The following COL25A1 variants were observed in gnomAD, a reference collection of about 807,000 sequenced individuals.
COL25A1 encodes collagen alpha-1(XXV) chain.
Under a neutral mutation model 128.4 loss-of-function variants are expected in COL25A1, and 103 were observed. That is an observed-to-expected ratio of 0.80 (90% CI 0.68 to 0.94). The LOEUF (loss-of-function observed/expected upper bound fraction) is 0.94, where lower values mean the gene tolerates loss of function less well. Among genes scored for constraint, COL25A1 ranks in the 40% least tolerant of loss-of-function variants. The probability of loss-of-function intolerance (pLI) is 0.00; values close to 1 mark genes in which losing one functional copy is unlikely to be tolerated. For synonymous variants in COL25A1, 279 were observed against 277.2 expected (o/e 1.01, Z -0.06); for missense variants, 745 against 840.0 (o/e 0.89, Z 1.40).
At chr4:108,830,943 A>G (rs1174631855) in intron 32 of COL25A1, among the ~76,000 whole-genome samples, 3 of 152,260 alleles carry the variant, frequency 2.0e-5, no homozygotes, top group Admixed American at 2.0e-4. Flanking sequence ...TTCAGAAGTC[A>G]TTGGTTTGAT....
At chr4:109,274,458 A>T (rs1782407507) in intron 3 of COL25A1, among the ~76,000 whole-genome samples, 1 of 152,154 alleles carries the variant, frequency 6.6e-6, no homozygotes, top group African/African-American at 2.4e-5. Context: ...AACTATGGAA[A>T]GATTATTTAT....
In COL25A1 at chr4:108,895,015, A is replaced by C. The variant is rs949334791; in HGVS notation, c.906+1652T>G. 9.9e-5 allele frequency among the ~76,000 whole-genome samples: 15 copies of C among 152,258 alleles called. No homozygotes were observed. The East Asian group carries it at 2.3e-3, about 24-fold the overall frequency. ...GTAGAGGCCAAAAATGATGCTAAAC[A>C]TCTGAGGGCCCCGTAACAGAGAATT... On this transcript the variant is annotated intron_variant, in intron 16 of 37. Transcript: ENST00000399132.
chr4:108,915,017 A>G (rs527724122), intron 13 of COL25A1, among the ~76,000 whole-genome samples: 1 of 152,292 alleles, frequency 6.6e-6, no homozygotes, highest in African/African-American at 2.4e-5. Flanking sequence ...AGATGCAGAG[A>G]CCACGCCCTT....
intron 3 of COL25A1, among the ~76,000 whole-genome samples, chr4:109,137,641 A>C (rs556499251): frequency 1.3e-5 from 2 of 152,308 alleles, no homozygotes; most frequent in South Asian, 4.1e-4. Flanking sequence ...ATCCCATTAG[A>C]TTATAGAAAA....
intron 3 of COL25A1, among the ~76,000 whole-genome samples, chr4:109,142,693 G>C (rs185202192): frequency 8.6e-4 from 130 of 151,428 alleles, no homozygotes; most frequent in African/African-American, 3.0e-3. Flanking sequence ...ATCTTTGTTG[G>C]CTTAAAGTCT....
chr4:109,240,417 G>A (rs1779820862), intron 3 of COL25A1, among the ~76,000 whole-genome samples: 1 of 151,968 alleles, frequency 6.6e-6, no homozygotes, highest in Non-Finnish European at 1.5e-5. Flanking sequence ...GTTTGTTACT[G>A]TTCTAAGCAT....
intron 3 of COL25A1, among the ~76,000 whole-genome samples, chr4:109,226,187 C>T (rs6825986): frequency 0.086 from 13,127 of 151,856 alleles, 1,180 homozygotes; most frequent in African/African-American, 0.23. Context: ...TATGTGCACA[C>T]AGACATGGAG....
intron 3 of COL25A1, among the ~76,000 whole-genome samples, chr4:109,256,339 G>A (rs1781086529): frequency 6.6e-6 from 1 of 151,984 alleles, no homozygotes; most frequent in African/African-American, 2.4e-5. Flanking sequence ...AAATAGCCTA[G>A]CCATAAGCGA....
chr4:109,187,957 A>G (rs1775284031), intron 3 of COL25A1, among the ~76,000 whole-genome samples: 1 of 152,232 alleles, frequency 6.6e-6, no homozygotes, highest in African/African-American at 2.4e-5. Context: ...ACTTCTTGAA[A>G]AAACACCTAT....
At position 108,813,587 on chromosome 4, in the gene COL25A1, C is replaced by T. The variant is rs1730980642; in HGVS notation, c.*340G>A. The T allele has an allele frequency of 4.0e-6, 1 of 248,158 alleles. No homozygotes were observed. The highest frequency in any genetic ancestry group is 8.6e-5 in the South Asian group (1 of 11,640). The allele number at this position is 248,158 out of a possible 1,614,324, so 15.4% of individuals were successfully genotyped here. On this transcript the variant is annotated 3_prime_UTR_variant, in exon 38 of 38. Transcript: ENST00000399132. ...GGTCACCATTTCATGTAAACTATTT[C>T]ATGGCACTTTTTGTCCATGCAATTA...
chr4:108,962,291 G>T (rs772545957), intron 8 of COL25A1, among the ~76,000 whole-genome samples: 1 of 151,512 alleles, frequency 6.6e-6, no homozygotes, highest in Non-Finnish European at 1.5e-5. Flanking sequence ...GGGTTCAAGC[G>T]ATTCTCCTGC....
chr4:108,923,406 C>A (rs894262295), intron 11 of COL25A1, among the ~76,000 whole-genome samples: 1 of 150,928 alleles, frequency 6.6e-6, no homozygotes, highest in Non-Finnish European at 1.5e-5. Context: ...AGTGCAGTGG[C>A]GTGATCATAG....
At chr4:109,055,293 T>C (rs190318099) in intron 3 of COL25A1, among the ~76,000 whole-genome samples, 9 of 152,372 alleles carry the variant, frequency 5.9e-5, no homozygotes, top group Admixed American at 4.6e-4. Context: ...AAGGTTTTCA[T>C]GCTCTGCTCA....
At chr4:109,220,436 T>G (rs1472550887) in intron 3 of COL25A1, among the ~76,000 whole-genome samples, 1 of 152,162 alleles carries the variant, frequency 6.6e-6, no homozygotes, top group African/African-American at 2.4e-5. Context: ...ACAAAGACTA[T>G]CCAAAAGGTT....
chr4:109,127,216 T>C (rs1768704851), intron 3 of COL25A1, among the ~76,000 whole-genome samples: 1 of 152,214 alleles, frequency 6.6e-6, no homozygotes, highest in Non-Finnish European at 1.5e-5. Flanking sequence ...ATGAGGACCA[T>C]GCCTTCATTC....
At chr4:109,119,419 G>GA (rs539680382) in intron 3 of COL25A1, among the ~76,000 whole-genome samples, 25 of 151,980 alleles carry the variant, frequency 1.6e-4, no homozygotes, top group African/African-American at 5.8e-4. Flanking sequence ...TGGTTCTTTG[G>GA]AAAAAATCAA....
intron 8 of COL25A1, among the ~76,000 whole-genome samples, chr4:108,952,617 A>T (rs1010055784): frequency 9.9e-5 from 15 of 152,156 alleles, no homozygotes; most frequent in African/African-American, 2.9e-4. Context: ...TTGGAACTAC[A>T]TTTCTATAAA....
chr4:108,940,969 A>G (rs1748015882), intron 9 of COL25A1, among the ~76,000 whole-genome samples: 2 of 152,216 alleles, frequency 1.3e-5, no homozygotes, highest in African/African-American at 4.8e-5. Flanking sequence ...ACAACACTGC[A>G]TCAGTTACAT....
chr4:108,857,951 G>A (rs1035393245), intron 24 of COL25A1, among the ~76,000 whole-genome samples: 5 of 152,092 alleles, frequency 3.3e-5, no homozygotes, highest in African/African-American at 1.2e-4. Context: ...ATGTTTAAAA[G>A]GATTAAGAGG....
Sources: gnomAD v4.1 joint callset for allele counts (sites outside exome capture counted in the v4.1 genomes callset) on GRCh38, gnomAD v4.1.1 for gene constraint, MANE v1.5 for transcripts, NCBI Gene and HGNC (gene_info 2026-07-23, HGNC 2026-07-21) for gene names.